IQSEC1: variants seen among roughly 807,000 people sequenced by gnomAD.
The protein encoded by IQSEC1 is IQ motif and SEC7 domain-containing protein 1.
Under a neutral mutation model 91.0 loss-of-function variants are expected in IQSEC1, and 31 were observed. That is an observed-to-expected ratio of 0.34 (90% CI 0.26 to 0.46). The LOEUF is 0.46. Ranked by LOEUF, IQSEC1 falls within the 20% of genes least tolerant of loss-of-function variation. The pLI is 1.00. For missense variants in IQSEC1, 1,388 were observed against 1,575.6 expected (o/e 0.88, Z 2.02); for synonymous variants, 699 against 662.6 (o/e 1.05, Z -0.84).
At chr3:13,088,613 C>T (rs1413343539) in intron 2 of IQSEC1, among the ~76,000 whole-genome samples, 1 of 152,164 alleles carries the variant, frequency 6.6e-6, no homozygotes, top group African/African-American at 2.4e-5. Flanking sequence ...GAGACCATGG[C>T]CCTCTTCTGC....
chr3:12,913,183 G>C (rs1695733378), intron 9 of IQSEC1, among the ~76,000 whole-genome samples: 1 of 152,226 alleles, frequency 6.6e-6, no homozygotes, highest in South Asian at 2.1e-4. Context: ...ACAGCACACA[G>C]GAGTGCTGCT....
intron 1 of IQSEC1, among the ~76,000 whole-genome samples, chr3:13,180,062 C>T (rs536514025): frequency 5.3e-5 from 8 of 152,126 alleles, no homozygotes; most frequent in South Asian, 2.1e-4. Context: ...TGCTCCACGG[C>T]GCCCAGTCCC....
At chr3:12,987,941 G>A (rs1701820389) in intron 1 of IQSEC1, among the ~76,000 whole-genome samples, 2 of 152,208 alleles carry the variant, frequency 1.3e-5, no homozygotes, top group Admixed American at 6.5e-5. Flanking sequence ...CCAGTGTGGG[G>A]TTGGGGCAAG....
intron 2 of IQSEC1, among the ~76,000 whole-genome samples, chr3:13,116,364 A>G (rs1706335591): frequency 2.0e-5 from 3 of 152,336 alleles, no homozygotes; most frequent in South Asian, 4.1e-4. Flanking sequence ...GCCACAGACA[A>G]TATATAAATG....
At chr3:13,077,319 T>TCAC (rs1470863524), upstream of IQSEC1, among the ~76,000 whole-genome samples, 2 of 152,132 alleles carry the variant, frequency 1.3e-5, no homozygotes, top group African/African-American at 4.8e-5. Flanking sequence ...AAGCCCAGGG[T>TCAC]CACCACCTCT....
At position 12,936,256 on chromosome 3, in the gene IQSEC1, C is replaced by A. The variant is rs746385357; in HGVS notation, c.760G>T (p.Ala254Ser). The A allele has an allele frequency of 6.2e-7, 1 of 1,613,322 alleles. No homozygotes were observed. The highest frequency in any genetic ancestry group is 8.5e-7 in the Non-Finnish European group (1 of 1,180,000). ...GCCCGCGCCGCATCCAGGGCCGGTG[C>A]CTCCTCAGTGTGCAGGCTGCGGCAG... The part of the protein sequence containing the change: ...LNCRSLHTEE[A>S]PALDAARARD... Residue 254 changes from alanine (A) to serine (S), a missense_variant, in exon 3 of 14, where the codon GCA becomes TCA. Coordinates refer to ENST00000613206, the MANE Select transcript of IQSEC1 (RefSeq NM_001134382.3).
intron 2 of IQSEC1, among the ~76,000 whole-genome samples, chr3:13,131,067 G>C (rs2922258): frequency 1.2e-5 from 1 of 80,460 alleles, no homozygotes; most frequent in Non-Finnish European, 2.7e-5. Flanking sequence ...GAAGGAAGGA[G>C]GGAGGGAAGG....
chr3:13,259,472 C>T lies in IQSEC1; in HGVS notation c.272+23239G>A, dbSNP rs895467292. 3.3e-5 allele frequency among the ~76,000 whole-genome samples: 5 copies of T among 152,196 alleles called. No homozygotes were observed. The highest frequency in any genetic ancestry group is 7.4e-5 in the Non-Finnish European group (5 of 68,024). ...GTGGCGGGTGAGATAGCACTGTCATCGCCGGCCACGTCCTCATTTCCAGAA... is the reference window on the plus strand; with the variant it reads ...GTGGCGGGTGAGATAGCACTGTCATTGCCGGCCACGTCCTCATTTCCAGAA... On this transcript the variant is annotated intron_variant, in intron 1 of 15. Transcript: ENST00000648114. The surrounding 1 kb of genome is among the most constrained non-coding windows in gnomAD (Gnocchi z 4.6).
chr3:13,125,851 GT>G (rs1706503366), intron 2 of IQSEC1, among the ~76,000 whole-genome samples: 1 of 152,212 alleles, frequency 6.6e-6, no homozygotes, highest in Admixed American at 6.5e-5. Context: ...GCTGCCCGGT[GT>G]TCCCCTCCCA....
intron 7 of IQSEC1, 75 bp downstream of exon 7, chr3:12,915,519 G>A: frequency 1.3e-6 from 2 of 1,511,132 alleles, no homozygotes; most frequent in Non-Finnish European, 1.8e-6. Flanking sequence ...GGGGTGGGTG[G>A]GAGTGAGAAG....
chr3:13,079,452 G>T (rs1705615339), intron 2 of IQSEC1, among the ~76,000 whole-genome samples: 1 of 152,200 alleles, frequency 6.6e-6, no homozygotes, highest in African/African-American at 2.4e-5. Flanking sequence ...CCTCCTTCTG[G>T]TTGCCGCTTC....
At chr3:13,054,471 G>C (rs891937008) in intron 1 of IQSEC1, among the ~76,000 whole-genome samples, 1 of 152,218 alleles carries the variant, frequency 6.6e-6, no homozygotes, top group Non-Finnish European at 1.5e-5. Context: ...GTCAGCCATT[G>C]GTGTCCACAG....
intron 4 of IQSEC1, among the ~76,000 whole-genome samples, chr3:12,923,911 G>A (rs886773844): frequency 6.6e-5 from 10 of 152,240 alleles, no homozygotes; most frequent in African/African-American, 2.4e-4. Flanking sequence ...AGGGAGTTGG[G>A]AACCCATTTT....
chr3:13,169,057 A>T (rs1261735649), intron 1 of IQSEC1, among the ~76,000 whole-genome samples: 1 of 152,172 alleles, frequency 6.6e-6, no homozygotes, highest in Non-Finnish European at 1.5e-5. Context: ...TGTATCTCTC[A>T]CCATATACAA....
chr3:13,006,276 A>G (rs1702632259), intron 1 of IQSEC1, among the ~76,000 whole-genome samples: 1 of 152,184 alleles, frequency 6.6e-6, no homozygotes, highest in Non-Finnish European at 1.5e-5. Context: ...AAGAGGCCTC[A>G]CGGCTTCTGG....
chr3:13,218,932 C>T (rs6800034), intron 1 of IQSEC1, among the ~76,000 whole-genome samples: 53 of 152,276 alleles, frequency 3.5e-4, no homozygotes, highest in African/African-American at 1.3e-3. Flanking sequence ...ACCCATAATG[C>T]CTCCTTTTCC....
chr3:13,199,151 G>C (rs1694191044), intron 1 of IQSEC1, among the ~76,000 whole-genome samples: 1 of 152,214 alleles, frequency 6.6e-6, no homozygotes, highest in South Asian at 2.1e-4. Context: ...CAGTGAAAAA[G>C]TAAGACCAGC....
At chr3:13,137,300 A>C (rs1309145397) in intron 2 of IQSEC1, among the ~76,000 whole-genome samples, 2 of 152,242 alleles carry the variant, frequency 1.3e-5, no homozygotes, top group Non-Finnish European at 2.9e-5. Flanking sequence ...CCCTGACAGG[A>C]GAATGCAAAA....
chr3:13,063,411 C>T (rs1042806641), intron 1 of IQSEC1, among the ~76,000 whole-genome samples: 13 of 152,206 alleles, frequency 8.5e-5, no homozygotes, highest in African/African-American at 3.1e-4. Flanking sequence ...TTGTCTCTGT[C>T]CCAGCTGCCC....
Sources: gnomAD v4.1 joint callset for allele counts (sites outside exome capture counted in the v4.1 genomes callset) on GRCh38, gnomAD v4.1.1 for gene constraint, Gnocchi (gnomAD v3.1) non-coding constraint, MANE v1.5 for transcripts, NCBI Gene and HGNC (gene_info 2026-07-23, HGNC 2026-07-21) for gene names.